TTL: variants seen among roughly 807,000 people sequenced by gnomAD.
TTL encodes tubulin tyrosine ligase.
TTL carries 10 observed loss-of-function variants against 41.1 expected under a neutral mutation model. The observed-to-expected ratio is 0.24, with a 90% confidence interval of 0.15 to 0.41. The LOEUF (loss-of-function observed/expected upper bound fraction) is 0.41, where lower values mean the gene tolerates loss of function less well. Among genes scored for constraint, TTL ranks in the 10% least tolerant of loss-of-function variants. The pLI is 1.00. For missense variants in TTL, 367 were observed against 460.4 expected, an observed-to-expected ratio of 0.80 and a Z score of 1.86; for synonymous variants, 175 against 175.5, an observed-to-expected ratio of 1.00 and a Z score of 0.02.
intron 2 of TTL, among the ~76,000 whole-genome samples, chr2:112,491,218 A>G (rs576614590): frequency 2.7e-3 from 413 of 151,836 alleles, no homozygotes; most frequent in Non-Finnish European, 4.0e-3. Flanking sequence ...GTCTTGATCT[A>G]CTGACCTTGT....
At position 112,539,450 on chromosome 2, in the gene TTL, A is replaced by G. The variant is rs1464462824; in HGVS notation, c.*10655A>G. The G allele has an allele frequency of 6.6e-6, 1 of 152,232 alleles. No homozygotes were observed. Among genetic ancestry groups the G allele is most frequent in the Non-Finnish European group, 1.5e-5 (1 of 68,046 alleles). 9.4% of individuals were successfully genotyped at this position (152,232 alleles called of 1,614,324 possible). On this transcript the variant is annotated 3_prime_UTR_variant, in exon 7 of 7. Coordinates refer to ENST00000233336, the MANE Select transcript of TTL (RefSeq NM_153712.5). ...TGATCATTTCAATATACACTGAAAA[A>G]GCATTTGGCAATACACAACACTCTT...
In TTL at chr2:112,486,013, T is replaced by A; in HGVS notation, c.236+18T>A. On this transcript the variant is annotated intron_variant, in intron 2 of 6. Coordinates refer to ENST00000233336, the MANE Select transcript of TTL (RefSeq NM_153712.5). ...TTAGTGAAGTAAGTGTTAAGACCGC[T>A]GTTTTCCATTTTTTACCTAAATGAA... 1 of 1,612,416 alleles carries A rather than the reference T, an allele frequency of 6.2e-7. No individual in the cohort carries two copies. Among genetic ancestry groups the A allele is most frequent in the Non-Finnish European group, 8.5e-7 (1 of 1,179,242 alleles).
chr2:112,533,788 G>A lies in TTL; in HGVS notation c.*4993G>A, dbSNP rs1369957991. On this transcript the variant is annotated 3_prime_UTR_variant, in exon 7 of 7. Transcript: ENST00000233336. ...TCAACACTATTGCAGTAGAGATTAA[G>A]TTTCCAACACATTTACTTTGGGGAA... 6.6e-6 allele frequency: 1 copy of A among 152,208 alleles called. No homozygotes were observed. The highest frequency in any genetic ancestry group is 2.4e-5 in the African/African-American group (1 of 41,464). 9.4% of individuals were successfully genotyped at this position (152,208 alleles called of 1,614,324 possible).
chr2:112,482,587 T>G lies in TTL; in HGVS notation c.157+86T>G. 1 of 1,409,700 alleles carries G rather than the reference T, an allele frequency of 7.1e-7. No homozygotes were observed. Among genetic ancestry groups the G allele is most frequent in the Non-Finnish European group, 9.4e-7 (1 of 1,062,176 alleles). 87.3% of individuals were successfully genotyped at this position (1,409,700 alleles called of 1,614,324 possible). ...CCCGTTAGAACCGGCGCTTTTGTTTTTAAAGGTCATACATTTTCTCCTCTG... is the reference window on the plus strand; with the variant it reads ...CCCGTTAGAACCGGCGCTTTTGTTTGTAAAGGTCATACATTTTCTCCTCTG... On this transcript the variant is annotated intron_variant, in intron 1 of 6. Coordinates refer to ENST00000233336, the MANE Select transcript of TTL (RefSeq NM_153712.5). This position sits in a 1 kb window ranked among gnomAD's most constrained non-coding sequence, Gnocchi z 5.3.
At position 112,486,447 on chromosome 2, in the gene TTL, A is replaced by T. The variant is rs536936042; in HGVS notation, c.236+452A>T. Among the ~76,000 whole-genome samples the T allele has an allele frequency of 2.6e-3, 390 of 152,294 alleles. 1 individual carries two copies. The highest frequency in any genetic ancestry group is 9.1e-3 in the African/African-American group (377 of 41,558). Reference sequence around the variant, plus strand: ...AGTCAGCCATTGGCTGTGGGAAGAGATGGAGGGCTTAGCTTCGCAGGCATT... The same window carrying T: ...AGTCAGCCATTGGCTGTGGGAAGAGTTGGAGGGCTTAGCTTCGCAGGCATT... On this transcript the variant is annotated intron_variant, in intron 2 of 6. Coordinates refer to ENST00000233336, the MANE Select transcript of TTL (RefSeq NM_153712.5).
rs1387940691 is a variant in TTL, at chr2:112,535,720, C to T, written c.*6925C>T. The T allele has an allele frequency of 7.8e-6, 1 of 128,716 alleles. No homozygotes were observed. Among genetic ancestry groups the T allele is most frequent in the Non-Finnish European group, 1.6e-5 (1 of 61,758 alleles). 8.0% of individuals were successfully genotyped at this position (128,716 alleles called of 1,614,324 possible). A position where few individuals can be genotyped will look rare whatever the true frequency, so the allele number is the denominator to read the frequency against. On this transcript the variant is annotated 3_prime_UTR_variant, in exon 7 of 7. Coordinates refer to ENST00000233336, the MANE Select transcript of TTL (RefSeq NM_153712.5). ...ATGCAAATGAATTAAATACTCCAAT[C>T]AGAAGGTAGAGATTGGCAAATTGAT... is the stretch of plus-strand genomic sequence containing the variant.
chr2:112,482,323 C>T lies in TTL; in HGVS notation c.-22C>T, dbSNP rs1051775113. The T allele has an allele frequency of 4.1e-6, 6 of 1,480,626 alleles. No individual in the cohort carries two copies. Among genetic ancestry groups the T allele is most frequent in the Non-Finnish European group, 5.4e-6 (6 of 1,110,066 alleles). The allele number at this position is 1,480,626 out of a possible 1,614,324, so 91.7% of individuals were successfully genotyped here. ...GGTCCCTGCGGCGGCTGCCCGGCGG[C>T]CCGGGCGCGCGGCGCTTCGCCATGT... On this transcript the variant is annotated 5_prime_UTR_variant, in exon 1 of 7. Transcript: ENST00000233336. This position sits in a 1 kb window ranked among gnomAD's most constrained non-coding sequence, Gnocchi z 5.3.
chr2:112,483,791 G>T (rs1396682227), intron 1 of TTL: 1 of 152,154 alleles, frequency 6.6e-6, no homozygotes, highest in Non-Finnish European at 1.5e-5. Context: ...TGGTATACAA[G>T]TTTATGATGT....
intron 5 of TTL, among the ~76,000 whole-genome samples, chr2:112,518,899 T>G (rs1188655641): frequency 1.3e-5 from 2 of 152,162 alleles, no homozygotes; most frequent in Non-Finnish European, 2.9e-5. Context: ...GCTCTCGAAC[T>G]CCTGACCTGA....
At chr2:112,502,494 G>C (rs1326376832) in intron 4 of TTL, among the ~76,000 whole-genome samples, 1 of 151,874 alleles carries the variant, frequency 6.6e-6, no homozygotes, top group African/African-American at 2.4e-5. Context: ...AAAATCACCC[G>C]GGCGTGGTGG....
chr2:112,494,448 T>C, intron 3 of TTL, 73 bp downstream of exon 3: 1 of 1,165,176 alleles, frequency 8.6e-7, no homozygotes. Context: ...TGAATGACCC[T>C]ATTTTAATCT....
intron 2 of TTL, among the ~76,000 whole-genome samples, chr2:112,489,101 T>C (rs1377977353): frequency 6.6e-6 from 1 of 151,986 alleles, no homozygotes; most frequent in African/African-American, 2.4e-5. Context: ...AAGAAATAAA[T>C]TAATTTAAAA....
At position 112,484,158 on chromosome 2, in the gene TTL, C is replaced by T. The variant is rs1372685827; in HGVS notation, c.157+1657C>T. On this transcript the variant is annotated intron_variant, in intron 1 of 6. Transcript: ENST00000233336. ...GCCTAGGAGTGAGAAGCAGAAGCCT[C>T]CAGAATTTGAATCCTGAACAGATAC... Among the ~76,000 whole-genome samples the T allele has an allele frequency of 2.0e-5, 3 of 151,722 alleles. No individual in the cohort carries two copies. The East Asian group carries it at 5.8e-4, about 29-fold the overall frequency.
In TTL at chr2:112,531,976, A is replaced by G. The variant is rs1035952050; in HGVS notation, c.*3181A>G. ...AACTCCTATGGCAATTATGAACTCC[A>G]TTTTACCAAGAACATTTAAGTGCCT... On this transcript the variant is annotated 3_prime_UTR_variant, in exon 7 of 7. Coordinates refer to ENST00000233336, the MANE Select transcript of TTL (RefSeq NM_153712.5). 4.4e-6 allele frequency: 1 copy of G among 226,736 alleles called. No homozygotes were observed. The highest frequency in any genetic ancestry group is 8.8e-6 in the Non-Finnish European group (1 of 114,192). The allele number at this position is 226,736 out of a possible 1,614,324, so 14.0% of individuals were successfully genotyped here.
At chr2:112,492,152 G>A (rs1681405125) in intron 2 of TTL, among the ~76,000 whole-genome samples, 1 of 152,182 alleles carries the variant, frequency 6.6e-6, no homozygotes, top group African/African-American at 2.4e-5. Context: ...ATGTGTTTGT[G>A]TGTGATACTA....
chr2:112,501,697 G>A (rs1035170459), intron 4 of TTL, among the ~76,000 whole-genome samples: 11 of 151,990 alleles, frequency 7.2e-5, no homozygotes, highest in Admixed American at 6.6e-5. Context: ...GTGAAACCCC[G>A]TCTCTAGTAA....
chr2:112,531,512 T>C lies in TTL; in HGVS notation c.*2717T>C, dbSNP rs1425552940. The C allele has an allele frequency of 8.7e-6, 2 of 230,206 alleles. No homozygotes were observed. Among genetic ancestry groups the C allele is most frequent in the Non-Finnish European group, 1.7e-5 (2 of 116,012 alleles). 14.3% of individuals were successfully genotyped at this position (230,206 alleles called of 1,614,324 possible). A position where few individuals can be genotyped will look rare whatever the true frequency, so the allele number is the denominator to read the frequency against. The stretch of plus-strand genomic sequence containing the variant: ...ACCAAGGTTCTCAACACTGACTACA[T>C]GCTGGAATGACTGTGAAGCTTTTAA... On this transcript the variant is annotated 3_prime_UTR_variant, in exon 7 of 7. Transcript: ENST00000233336.
chr2:112,531,526 T>C lies in TTL; in HGVS notation c.*2731T>C, dbSNP rs1223644606. 3 of 230,060 alleles carry C rather than the reference T, an allele frequency of 1.3e-5. No individual in the cohort carries two copies. Among genetic ancestry groups the C allele is most frequent in the African/African-American group, 2.2e-5 (1 of 45,108 alleles). The allele number at this position is 230,060 out of a possible 1,614,324, so 14.3% of individuals were successfully genotyped here. On this transcript the variant is annotated 3_prime_UTR_variant, in exon 7 of 7. Coordinates refer to ENST00000233336, the MANE Select transcript of TTL (RefSeq NM_153712.5). ...CACTGACTACATGCTGGAATGACTG[T>C]GAAGCTTTTAAAAAATGTTAGTGCC...
intron 1 of TTL, among the ~76,000 whole-genome samples, chr2:112,484,320 G>A (rs1356285239): frequency 6.6e-6 from 1 of 151,078 alleles, no homozygotes; most frequent in Non-Finnish European, 1.5e-5. Flanking sequence ...CTGGAGTGCA[G>A]TGGTGCAATT....
Sources: gnomAD v4.1 joint callset for allele counts (sites outside exome capture counted in the v4.1 genomes callset) on GRCh38, gnomAD v4.1.1 for gene constraint, Gnocchi (gnomAD v3.1) non-coding constraint, MANE v1.5 for transcripts, NCBI Gene and HGNC (gene_info 2026-07-23, HGNC 2026-07-21) for gene names.